ACACA: variants seen among roughly 807,000 people sequenced by gnomAD.
The protein encoded by ACACA is acetyl-CoA carboxylase 1.
Under a neutral mutation model 296.1 loss-of-function variants are expected in ACACA, and 103 were observed. The observed-to-expected ratio is 0.35, with a 90% CI of 0.30 to 0.41. ACACA has a LOEUF of 0.41. Ranked by LOEUF, ACACA falls within the 10% of genes least tolerant of loss-of-function variation. The probability of loss-of-function intolerance (pLI) is 1.00; values close to 1 mark genes in which losing one functional copy is unlikely to be tolerated. For missense variants in ACACA, 1,554 were observed against 2,989.7 expected, an observed-to-expected ratio of 0.52 and a Z score of 11.20; for synonymous variants, 953 against 1,038.6, an observed-to-expected ratio of 0.92 and a Z score of 1.58.
At position 37,151,266 on chromosome 17, in the gene ACACA, G is replaced by C. The variant is rs548735271; in HGVS notation, c.5568+35C>G. On this transcript the variant is annotated intron_variant, in intron 44 of 55. Transcript: ENST00000616317. ...AAAAATAAACCTAGCCACACAGCCA[G>C]TTCTTCAAAAATTTCACATTCTGGA... 10 of 1,613,250 alleles carry C rather than the reference G, an allele frequency of 6.2e-6. 1 individual carries two copies. In the South Asian group the frequency reaches 1.1e-4, roughly 18 times the overall value.
intron 10 of ACACA, among the ~76,000 whole-genome samples, chr17:37,270,256 A>G (rs548052010): frequency 3.1e-4 from 47 of 152,202 alleles, no homozygotes; most frequent in Non-Finnish European, 5.9e-4. Flanking sequence ...TAGATGAGAC[A>G]TATGATAGAA....
rs912178569 is a variant in ACACA, at chr17:37,137,101, A to G, written c.5680-6883T>C. 2.6e-5 allele frequency among the ~76,000 whole-genome samples: 4 copies of G among 152,098 alleles called. No individual in the cohort carries two copies. The South Asian group carries it at 8.3e-4, about 32-fold the overall frequency. ...TTTTCTTTGGTGTAATGTCTGTTCA[A>G]ATTTCTTGCCCATGTTTTTAATTAC... is the stretch of plus-strand genomic sequence containing the variant. On this transcript the variant is annotated intron_variant, in intron 45 of 55. Coordinates refer to ENST00000616317, the MANE Select transcript of ACACA (RefSeq NM_198834.3).
chr17:37,177,459 G>A (rs111684950), intron 41 of ACACA, among the ~76,000 whole-genome samples: 3 of 152,148 alleles, frequency 2.0e-5, no homozygotes, highest in African/African-American at 7.2e-5. Flanking sequence ...GTCTCCATTC[G>A]CTCAAACACA....
chr17:37,394,493 A>G (rs2051007429), intron 1 of ACACA, among the ~76,000 whole-genome samples: 1 of 151,830 alleles, frequency 6.6e-6, no homozygotes, highest in African/African-American at 2.4e-5. Context: ...TAAAAAGTCC[A>G]GGCGTGAGCC....
At chr17:37,365,659 C>T (rs2049582044) in intron 1 of ACACA, 2 of 985,266 alleles carry the variant, frequency 2.0e-6, no homozygotes, top group East Asian at 2.3e-4. Context: ...TCTTGTTAAT[C>T]ACTCCAGTTT....
chr17:37,297,523 ATGTG>A (rs1163187028), intron 3 of ACACA, among the ~76,000 whole-genome samples: 1 of 129,108 alleles, frequency 7.7e-6, no homozygotes, highest in Non-Finnish European at 1.5e-5. Flanking sequence ...GTGTATGTAT[ATGTG>A]TGTGTATATA....
intron 45 of ACACA, chr17:37,141,188 C>T (rs964238198): frequency 2.4e-5 from 13 of 547,106 alleles, no homozygotes; most frequent in African/African-American, 9.4e-5. Context: ...GAGGTCCCCA[C>T]GAAAAAGTTA....
At chr17:37,322,225 T>C (rs2047388703) in intron 3 of ACACA, among the ~76,000 whole-genome samples, 1 of 152,186 alleles carries the variant, frequency 6.6e-6, no homozygotes, top group African/African-American at 2.4e-5. Flanking sequence ...ATATACTTTC[T>C]CCTTCCAAAG....
At chr17:37,260,292 ATATATTTTTT>A (rs1219535726) in intron 11 of ACACA, among the ~76,000 whole-genome samples, 2 of 16,480 alleles carry the variant, frequency 1.2e-4, no homozygotes, top group African/African-American at 4.7e-4. Context: ...ATATATATAT[ATATATTTTTT>A]TTTTTTTTTT....
intron 46 of ACACA, 115 bp from the exon 47 acceptor site, chr17:37,129,600 A>G: frequency 7.4e-7 from 1 of 1,357,130 alleles, no homozygotes; most frequent in East Asian, 2.3e-5. Context: ...ATTGCACCCA[A>G]TAGTCCCAAT....
intron 37 of ACACA, 131 bp downstream of exon 37, chr17:37,191,959 A>T: frequency 1.1e-6 from 1 of 937,660 alleles, no homozygotes; most frequent in East Asian, 2.6e-5. Flanking sequence ...AAGAACCTTG[A>T]TTCAAAAAAT....
chr17:37,231,740 G>C (rs1229013445), intron 25 of ACACA, among the ~76,000 whole-genome samples: 1 of 152,166 alleles, frequency 6.6e-6, no homozygotes. Context: ...CATCAAGGTG[G>C]CTAGAAGATA....
At chr17:37,310,793 C>CAAAAAAAAAAA (rs74268026) in intron 3 of ACACA, among the ~76,000 whole-genome samples, 9 of 50,438 alleles carry the variant, frequency 1.8e-4, no homozygotes, top group East Asian at 4.5e-4. Context: ...GACACCATCT[C>CAAAAAAAAAAA]AAAAAAAAAA....
At chr17:37,288,288 G>A (rs2146670182) in intron 3 of ACACA, among the ~76,000 whole-genome samples, 1 of 151,540 alleles carries the variant, frequency 6.6e-6, no homozygotes, top group South Asian at 2.1e-4. Context: ...CCTTAACTTT[G>A]TCATGAACCT....
intron 1 of ACACA, among the ~76,000 whole-genome samples, chr17:37,358,340 A>G (rs900015265): frequency 1.3e-5 from 2 of 152,188 alleles, no homozygotes; most frequent in African/African-American, 4.8e-5. Context: ...CCTACGTCCT[A>G]TTTCCAGTAA....
intron 11 of ACACA, 122 bp from the exon 12 acceptor site, chr17:37,259,652 T>C: frequency 1.0e-6 from 1 of 993,842 alleles, no homozygotes; most frequent in Non-Finnish European, 1.6e-6. Flanking sequence ...TTTAGCCACA[T>C]GAGAGCACAT....
At chr17:37,402,709 G>A (rs1024084163) in intron 1 of ACACA, among the ~76,000 whole-genome samples, 124 of 151,744 alleles carry the variant, frequency 8.2e-4, no homozygotes, top group African/African-American at 2.9e-3. Context: ...GTCTCGCTCT[G>A]TTGCCCAGGC....
intron 1 of ACACA, among the ~76,000 whole-genome samples, chr17:37,401,955 AC>A (rs1427059374): frequency 6.6e-6 from 1 of 152,142 alleles, no homozygotes; most frequent in African/African-American, 2.4e-5. Flanking sequence ...CAGGTTACCA[AC>A]CCTGACAAGA....
intron 25 of ACACA, among the ~76,000 whole-genome samples, chr17:37,228,737 C>T (rs1444876053): frequency 6.6e-6 from 1 of 152,074 alleles, no homozygotes; most frequent in African/African-American, 2.4e-5. Flanking sequence ...TGGAATGACC[C>T]ACCAAAATGC....
Sources: gnomAD v4.1 joint callset for allele counts (sites outside exome capture counted in the v4.1 genomes callset) on GRCh38, gnomAD v4.1.1 for gene constraint, MANE v1.5 for transcripts, NCBI Gene and HGNC (gene_info 2026-07-23, HGNC 2026-07-21) for gene names.